PCDHB14: variants seen among roughly 807,000 people sequenced by gnomAD.
The protein encoded by PCDHB14 is protocadherin beta 14.
For missense variants in PCDHB14, 1,129 were observed against 1,000.5 expected, an observed-to-expected ratio of 1.13 and a Z score of -1.73; for synonymous variants, 511 against 441.5, an observed-to-expected ratio of 1.16 and a Z score of -1.97.
rs1373420718 is a variant in PCDHB14 at position 141,223,677 on chromosome 5, G to A, written c.172G>A (p.Glu58Lys). The change falls in exon 1 of 1, where the codon GAG becomes AAG. Residue 58 changes from glutamate (E) to lysine (K), a missense_variant. By Grantham distance (56) the Glu-to-Lys change is moderately conservative. Transcript: ENST00000239449. Reference protein sequence around the residue: ...LARDLGLGVEELSSREARVVS... With the variant: ...LARDLGLGVEKLSSREARVVS... ...GAGGGACCTAGGGCTGGGGGTGGAG[G>A]AGCTGTCTTCACGTGAAGCCCGGGT... is the stretch of plus-strand genomic sequence containing the variant. The A allele has an allele frequency of 1.2e-6, 2 of 1,614,116 alleles. No individual in the cohort carries two copies. The highest frequency in any genetic ancestry group is 1.7e-6 in the Non-Finnish European group (2 of 1,180,022).
rs376099253 is a variant in PCDHB14 at position 141,225,646 on chromosome 5, G to A, written c.2141G>A (p.Cys714Tyr). Residue 714 changes from cysteine to tyrosine, a missense_variant, in exon 1 of 1, where the codon TGC becomes TAC. Transcript: ENST00000239449. ...SVLLFVAVRL[C>Y]RRSRAASVGR... ...CTCCTGTTCGTGGCGGTGCGGCTGT[G>A]CAGGAGGAGCAGGGCGGCCTCGGTG... 1.2e-6 allele frequency: 2 copies of A among 1,613,546 alleles called. No homozygotes were observed. Among genetic ancestry groups the A allele is most frequent in the African/African-American group, 1.3e-5 (1 of 75,046 alleles).
chr5:141,223,554 T>C lies in PCDHB14; in HGVS notation c.49T>C (p.Phe17Leu). Residue 17 changes from phenylalanine to leucine, a missense_variant, in exon 1 of 1, where the codon TTC becomes CTC. By Grantham distance (22) the Phe-to-Leu change is conservative. Transcript: ENST00000239449. ...TCTGCGAAAAAGGCAAGTTCTAATA[T>C]TCCTTGTTTTGCTGGGATTGTCTCG... ...LDLRKRQVLI[F>L]LVLLGLSRAG... 1 of 1,614,106 alleles carries C rather than the reference T, an allele frequency of 6.2e-7. No homozygotes were observed.
rs995878313 is a variant in PCDHB14 at position 141,227,454 on chromosome 5, G to T, written c.*1552G>T. ...AACATATTATATCTCAGCTCTAAAAGAAAGTTCTATAGAAGATTATAGATA... is the reference window on the plus strand; with the variant it reads ...AACATATTATATCTCAGCTCTAAAATAAAGTTCTATAGAAGATTATAGATA... On this transcript the variant is annotated 3_prime_UTR_variant, in exon 1 of 1. Transcript: ENST00000239449. 2 of 152,162 alleles carry T rather than the reference G, an allele frequency of 1.3e-5. No individual in the cohort carries two copies. Among genetic ancestry groups the T allele is most frequent in the Non-Finnish European group, 2.9e-5 (2 of 68,022 alleles). 9.4% of individuals were successfully genotyped at this position (152,162 alleles called of 1,614,324 possible).
In PCDHB14 at chr5:141,224,395, T is replaced by C; in HGVS notation, c.890T>C (p.Ile297Thr). The change falls in exon 1 of 1, where the codon ATA becomes ACA. Residue 297 changes from isoleucine (I) to threonine (T), a missense_variant. By Grantham distance (89) the Ile-to-Thr change is moderately conservative. Coordinates refer to ENST00000239449, the MANE Select transcript of PCDHB14 (RefSeq NM_018934.4). ...CGTAAAACATTTGAAATTAATCCAA[T>C]ATCTGGGGAAGTTAATTTGAGATCA... The part of the protein sequence containing the change: ...DIRKTFEINP[I>T]SGEVNLRSPL... The C allele has an allele frequency of 6.2e-7, 1 of 1,607,490 alleles. No individual in the cohort carries two copies. The highest frequency in any genetic ancestry group is 8.5e-7 in the Non-Finnish European group (1 of 1,177,432).
At position 141,225,087 on chromosome 5, in the gene PCDHB14, G is replaced by C. The variant is rs564904617; in HGVS notation, c.1582G>C (p.Glu528Gln). 5.6e-6 allele frequency: 9 copies of C among 1,612,262 alleles called. No homozygotes were observed. The African/African-American group carries it at 9.3e-5, about 17-fold the overall frequency. The part of the protein sequence containing the change: ...SLDYEALQEF[E>Q]FRVGATDRGS... ...GGACTACGAGGCCCTACAGGAGTTC[G>C]AGTTTCGCGTGGGCGCCACAGACCG... Residue 528 changes from glutamate to glutamine, a missense_variant, in exon 1 of 1, where the codon GAG becomes CAG. Physicochemically the swap from Glu to Gln is conservative, Grantham distance 29. Coordinates refer to ENST00000239449, the MANE Select transcript of PCDHB14 (RefSeq NM_018934.4).
Position 141,225,681 on chromosome 5 carries a change from T to G in PCDHB14, c.2176T>G (p.Ser726Ala). The change falls in exon 1 of 1, where the codon TCG (serine) becomes GCG (alanine). Residue 726 changes from serine to alanine, a missense_variant. Coordinates refer to ENST00000239449, the MANE Select transcript of PCDHB14 (RefSeq NM_018934.4). ...RSRAASVGRCSVPEGPFPGHL... is the reference protein window; with the variant it reads ...RSRAASVGRCAVPEGPFPGHL... ...CAGGGCGGCCTCGGTGGGTCGCTGC[T>G]CGGTGCCCGAGGGTCCCTTTCCAGG... 6.2e-7 allele frequency: 1 copy of G among 1,614,116 alleles called. No individual in the cohort carries two copies. The highest frequency in any genetic ancestry group is 8.5e-7 in the Non-Finnish European group (1 of 1,180,036).
In PCDHB14 at chr5:141,226,064, T is replaced by G. The variant is rs1037974418; in HGVS notation, c.*162T>G. On this transcript the variant is annotated 3_prime_UTR_variant, in exon 1 of 1. Transcript: ENST00000239449. The stretch of plus-strand genomic sequence containing the variant: ...TAAAAATCTTTATTAGTGGCTATAA[T>G]GACGTGGAAATGTAATCTGTGTTTT... 3 of 684,650 alleles carry G rather than the reference T, an allele frequency of 4.4e-6. No individual in the cohort carries two copies. The highest frequency in any genetic ancestry group is 7.2e-6 in the Non-Finnish European group (3 of 416,194). The allele number at this position is 684,650 out of a possible 1,614,324, so 42.4% of individuals were successfully genotyped here.
chr5:141,223,484 C>A lies in PCDHB14; in HGVS notation c.-22C>A, dbSNP rs1563997511. On this transcript the variant is annotated 5_prime_UTR_variant, in exon 1 of 1. Transcript: ENST00000239449. ...TTACGGCTGAGCTTCAGTTTTTCCACAAGAGATTGCCTAAAGGAACCATGG... is the reference window on the plus strand; with the variant it reads ...TTACGGCTGAGCTTCAGTTTTTCCAAAAGAGATTGCCTAAAGGAACCATGG... 6.5e-7 allele frequency: 1 copy of A among 1,543,508 alleles called. No individual in the cohort carries two copies. The highest frequency in any genetic ancestry group is 8.8e-7 in the Non-Finnish European group (1 of 1,138,798).
In PCDHB14 at chr5:141,224,669, C is replaced by A. The variant is rs782099650; in HGVS notation, c.1164C>A (p.Asn388Lys). 1 of 1,614,136 alleles carries A rather than the reference C, an allele frequency of 6.2e-7. No individual in the cohort carries two copies. Among genetic ancestry groups the A allele is most frequent in the South Asian group, 1.1e-5 (1 of 91,090 alleles). ...GGATGATTTGCTCTATTCAAGATAA[C>A]CTCCCTTTTTTCCTGAAACCGACCT... ...NGRMICSIQD[N>K]LPFFLKPTFK... The change falls in exon 1 of 1, where the codon AAC (asparagine) becomes AAA (lysine). Residue 388 changes from asparagine (N) to lysine (K), a missense_variant. Coordinates refer to ENST00000239449, the MANE Select transcript of PCDHB14 (RefSeq NM_018934.4).
chr5:141,225,016 T>C lies in PCDHB14; in HGVS notation c.1511T>C (p.Val504Ala). 1.9e-6 allele frequency: 3 copies of C among 1,612,564 alleles called. No individual in the cohort carries two copies. The highest frequency in any genetic ancestry group is 2.5e-6 in the Non-Finnish European group (3 of 1,180,004). The stretch of plus-strand genomic sequence containing the variant: ...CGGCACCTGCCCCTCGCCTCCTTGG[T>C]CTCCATCAACGCGGACAATGGCCAC... Reference protein sequence around the residue: ...QDRHLPLASLVSINADNGHLF... With the variant: ...QDRHLPLASLASINADNGHLF... Residue 504 changes from valine (V) to alanine (A), a missense_variant, in exon 1 of 1, where the codon GTC becomes GCC. Coordinates refer to ENST00000239449, the MANE Select transcript of PCDHB14 (RefSeq NM_018934.4).
rs782298453 is a variant in PCDHB14, at chr5:141,224,980, C to T, written c.1475C>T (p.Pro492Leu). 1.2e-6 allele frequency: 2 copies of T among 1,612,598 alleles called. No individual in the cohort carries two copies. The highest frequency in any genetic ancestry group is 1.7e-5 in the Admixed American group (1 of 60,036). ...GCCCAGGTCAACTACTCGCTGCTGC[C>T]GCCCCAGGACCGGCACCTGCCCCTC... is the stretch of plus-strand genomic sequence containing the variant. Reference protein sequence around the residue: ...TNAQVNYSLLPPQDRHLPLAS... With the variant: ...TNAQVNYSLLLPQDRHLPLAS... The change falls in exon 1 of 1, where the codon CCG (proline) becomes CTG (leucine). Residue 492 changes from proline to leucine, a missense_variant. Transcript: ENST00000239449.
In PCDHB14 at chr5:141,225,351, G is replaced by C. The variant is rs201211545; in HGVS notation, c.1846G>C (p.Gly616Arg). ...CAAGGCCACGGAGCCCGGGCTGTTCGGCGTGTGGGCGCACAATGGCGAGGT... is the reference window on the plus strand; with the variant it reads ...CAAGGCCACGGAGCCCGGGCTGTTCCGCGTGTGGGCGCACAATGGCGAGGT... ...LLKATEPGLF[G>R]VWAHNGEVRT... Residue 616 changes from glycine (G) to arginine (R), a missense_variant, in exon 1 of 1, where the codon GGC becomes CGC. Coordinates refer to ENST00000239449, the MANE Select transcript of PCDHB14 (RefSeq NM_018934.4). 6 of 1,603,118 alleles carry C rather than the reference G, an allele frequency of 3.7e-6. No individual in the cohort carries two copies. Among genetic ancestry groups the C allele is most frequent in the Admixed American group, 1.7e-5 (1 of 59,922 alleles).
Position 141,225,759 on chromosome 5 carries a change from G to T in PCDHB14, c.2254G>T (p.Glu752Ter). Residue 752 changes from glutamate to a stop codon, truncating the protein, a stop_gained, in exon 1 of 1, where the codon GAG becomes TAG. Coordinates refer to ENST00000239449, the MANE Select transcript of PCDHB14 (RefSeq NM_018934.4). LOFTEE classifies it low-confidence loss of function (END_TRUNC). ...GACCCTGTCCCAGAGCTACCAATAC[G>T]AGGTGTGTCTGACAGGAGGTTCCGG... ...TGTLSQSYQY[E>*]VCLTGGSGTN... 6.2e-7 allele frequency: 1 copy of T among 1,614,226 alleles called. No homozygotes were observed. Among genetic ancestry groups the T allele is most frequent in the Non-Finnish European group, 8.5e-7 (1 of 1,180,040 alleles).
Position 141,224,200 on chromosome 5 carries a change from T to A in PCDHB14, c.695T>A (p.Val232Glu). The change falls in exon 1 of 1, where the codon GTG becomes GAG. Residue 232 changes from valine to glutamate, a missense_variant. Transcript: ENST00000239449. Reference sequence around the variant, plus strand: ...GGGACAACTTTGGTTCTCATCAAGGTGTTGGACATCAATGATAATGCCCCT... The same window carrying A: ...GGGACAACTTTGGTTCTCATCAAGGAGTTGGACATCAATGATAATGCCCCT... ...KSGTTLVLIK[V>E]LDINDNAPEF... 1 of 1,613,978 alleles carries A rather than the reference T, an allele frequency of 6.2e-7. No homozygotes were observed. Among genetic ancestry groups the A allele is most frequent in the Non-Finnish European group, 8.5e-7 (1 of 1,179,968 alleles).
Position 141,223,999 on chromosome 5 carries a change from A to G in PCDHB14, c.494A>G (p.Asn165Ser). The change falls in exon 1 of 1, where the codon AAC becomes AGC. Residue 165 changes from asparagine (N) to serine (S), a missense_variant. Asn to Ser is a conservative substitution (Grantham distance 46). Transcript: ENST00000239449. ...ESAQDLDVGS[N>S]SLQNYTISPN... ...GCTCAAGATTTGGATGTCGGAAGCA[A>G]CAGTCTCCAAAACTACACAATTAGC... The G allele has an allele frequency of 1.2e-6, 2 of 1,613,546 alleles. No homozygotes were observed. The highest frequency in any genetic ancestry group is 1.7e-6 in the Non-Finnish European group (2 of 1,179,816).
rs782523052 is a variant in PCDHB14 at position 141,223,969 on chromosome 5, A to G, written c.464A>G (p.Glu155Gly). Residue 155 changes from glutamate (E) to glycine (G), a missense_variant, in exon 1 of 1, where the codon GAG becomes GGG. Physicochemically the swap from Glu to Gly is moderately conservative, Grantham distance 98. Coordinates refer to ENST00000239449, the MANE Select transcript of PCDHB14 (RefSeq NM_018934.4). ...GTTVGATFLMESAQDLDVGSN... is the reference protein window; with the variant it reads ...GTTVGATFLMGSAQDLDVGSN... ...ACTGTTGGAGCTACCTTTCTAATGG[A>G]GAGTGCTCAAGATTTGGATGTCGGA... 12 of 1,613,748 alleles carry G rather than the reference A, an allele frequency of 7.4e-6. No homozygotes were observed. In the South Asian group the frequency reaches 9.9e-5, roughly 13 times the overall value.
chr5:141,225,198 C>T lies in PCDHB14; in HGVS notation c.1693C>T (p.Leu565=), dbSNP rs1554289354. The change falls in exon 1 of 1, where the codon CTG becomes TTG. Residue 565 remains leucine (L), a synonymous_variant. Transcript: ENST00000239449. The part of the protein sequence containing the change: ...NDNSPFVLYP[L]QNGSAPCTEL... ...CAACTCGCCCTTCGTGCTGTACCCG[C>T]TGCAGAACGGCTCCGCGCCCTGCAC... 6.2e-7 allele frequency: 1 copy of T among 1,608,588 alleles called. No individual in the cohort carries two copies. The highest frequency in any genetic ancestry group is 8.5e-7 in the Non-Finnish European group (1 of 1,179,368).
chr5:141,224,743 G>C lies in PCDHB14; in HGVS notation c.1238G>C (p.Ser413Thr). 2 of 1,614,176 alleles carry C rather than the reference G, an allele frequency of 1.2e-6. No individual in the cohort carries two copies. The highest frequency in any genetic ancestry group is 1.7e-6 in the Non-Finnish European group (2 of 1,180,040). Reference sequence around the variant, plus strand: ...TCTGAAAAAGCACTGGACAGAGAGAGCCAAGCCGAGTACAACATCACGATC... The same window carrying C: ...TCTGAAAAAGCACTGGACAGAGAGACCCAAGCCGAGTACAACATCACGATC... The part of the protein sequence containing the change: ...LVSEKALDRE[S>T]QAEYNITITV... Residue 413 changes from serine to threonine, a missense_variant, in exon 1 of 1, where the codon AGC (serine) becomes ACC (threonine). Ser to Thr is a moderately conservative substitution (Grantham distance 58). Coordinates refer to ENST00000239449, the MANE Select transcript of PCDHB14 (RefSeq NM_018934.4).
In PCDHB14 at chr5:141,224,770, C is replaced by T; in HGVS notation, c.1265C>T (p.Thr422Ile). ...ESQAEYNITI[T>I]VTDLGTPRLK... ...CAAGCCGAGTACAACATCACGATCA[C>T]CGTCACAGACTTGGGGACACCCAGG... The change falls in exon 1 of 1, where the codon ACC (threonine) becomes ATC (isoleucine). Residue 422 changes from threonine (T) to isoleucine (I), a missense_variant. Thr to Ile is a moderately conservative substitution (Grantham distance 89). Coordinates refer to ENST00000239449, the MANE Select transcript of PCDHB14 (RefSeq NM_018934.4). 6.2e-7 allele frequency: 1 copy of T among 1,614,154 alleles called. No homozygotes were observed. Among genetic ancestry groups the T allele is most frequent in the Non-Finnish European group, 8.5e-7 (1 of 1,180,028 alleles).
Sources: gnomAD v4.1 joint callset for allele counts on GRCh38, gnomAD v4.1.1 for gene constraint, MANE v1.5 for transcripts, NCBI Gene and HGNC (gene_info 2026-07-23, HGNC 2026-07-21) for gene names.